The following NCOA2 variants were observed in gnomAD, a reference collection of about 807,000 sequenced individuals.
NCOA2 encodes nuclear receptor coactivator 2, also known as class E basic helix-loop-helix protein 75.
In NCOA2, 21 loss-of-function variants were observed where a neutral mutation model predicts 145.1. The observed-to-expected ratio is 0.14, with a 90% confidence interval of 0.10 to 0.21. The LOEUF is 0.21. NCOA2 is among the 10% of genes least tolerant of loss of function. The pLI is 1.00. For missense variants in NCOA2, 1,472 were observed against 1,837.6 expected (o/e 0.80, Z 3.64); for synonymous variants, 619 against 637.5 (o/e 0.97, Z 0.44).
At chr8:70,188,962 T>TAC (rs1816373259) in intron 4 of NCOA2, among the ~76,000 whole-genome samples, 1 of 152,222 alleles carries the variant, frequency 6.6e-6, no homozygotes, top group Admixed American at 6.5e-5. Flanking sequence ...GATTTAACTC[T>TAC]CAGTAGAATA....
rs61028027 is a variant in NCOA2, at chr8:70,314,180, CAAAAAAAAAAAAAAAAA to C, written c.-76-17397_-76-17381del. Among the ~76,000 whole-genome samples the C allele has an allele frequency of 3.5e-4, 6 of 17,202 alleles. No individual in the cohort carries two copies. The South Asian group carries it at 0.014, about 39-fold the overall frequency. 11.3% of individuals were successfully genotyped at this position (17,202 alleles called of 152,430 possible). On this transcript the variant is annotated intron_variant, in intron 1 of 22. Transcript: ENST00000452400. ...GGGCGACAGAGCAAGACTCTGACTCCAAAAAAAAAAAAAAAAAAAAAAAAAAAAGCAACTGTCATGTC... is the reference window on the plus strand; with the variant it reads ...GGGCGACAGAGCAAGACTCTGACTCCAAAAAAAAAAAGCAACTGTCATGTC...
At chr8:70,211,383 C>T (rs763623415) in intron 4 of NCOA2, among the ~76,000 whole-genome samples, 11 of 151,508 alleles carry the variant, frequency 7.3e-5, no homozygotes, top group Non-Finnish European at 1.6e-4. Flanking sequence ...CGCTTGAACC[C>T]AGAAGGTGGA....
At chr8:70,427,585 A>G in the NCOA2 span, among the ~76,000 whole-genome samples, 1 of 152,238 alleles carries the variant, frequency 6.6e-6, no homozygotes, top group Admixed American at 6.5e-5. Context: ...CTGCTTGAAT[A>G]TTCTAAAAGC....
chr8:70,289,766 GACT>G (rs1826520857), intron 2 of NCOA2, among the ~76,000 whole-genome samples: 1 of 152,040 alleles, frequency 6.6e-6, no homozygotes, highest in South Asian at 2.1e-4. Context: ...CTCAAAATTG[GACT>G]ACATTGATTT....
At chr8:70,456,222 A>G in the NCOA2 span, among the ~76,000 whole-genome samples, 1 of 152,208 alleles carries the variant, frequency 6.6e-6, no homozygotes, top group Non-Finnish European at 1.5e-5. Flanking sequence ...TGCTGAGGAC[A>G]CTAACATTCT....
chr8:70,340,545 AAAG>A (rs1334875785), intron 1 of NCOA2, among the ~76,000 whole-genome samples: 1 of 152,244 alleles, frequency 6.6e-6, no homozygotes, highest in Non-Finnish European at 1.5e-5. Context: ...GCGACTTCTC[AAAG>A]ACCTAGAGTC....
chr8:70,413,097 C>CAAAAAA, the NCOA2 span, among the ~76,000 whole-genome samples: 2 of 59,330 alleles, frequency 3.4e-5, no homozygotes, highest in African/African-American at 5.0e-5. Context: ...GACTCCGTCT[C>CAAAAAA]AAAAAAAAAA....
At chr8:70,258,252 T>G (rs1823814712) in intron 2 of NCOA2, among the ~76,000 whole-genome samples, 1 of 152,236 alleles carries the variant, frequency 6.6e-6, no homozygotes, top group Non-Finnish European at 1.5e-5. Flanking sequence ...TTGCCCTTTC[T>G]TCTCACTACA....
chr8:70,234,429 A>C (rs1421131154), intron 2 of NCOA2, among the ~76,000 whole-genome samples: 9 of 152,338 alleles, frequency 5.9e-5, no homozygotes, highest in African/African-American at 1.9e-4. Context: ...TTTTTGAAGA[A>C]ATGCGAAACT....
chr8:70,135,626 A>T (rs1163968307), intron 15 of NCOA2, among the ~76,000 whole-genome samples: 3 of 152,214 alleles, frequency 2.0e-5, no homozygotes, highest in African/African-American at 7.2e-5. Context: ...TCTGAACTTT[A>T]TAAATGGCCA....
In NCOA2 at chr8:70,217,346, C is replaced by T. The variant is rs114735234; in HGVS notation, c.-19-582G>A. Among the ~76,000 whole-genome samples the T allele has an allele frequency of 4.6e-3, 693 of 152,206 alleles. 9 individuals carry two copies. Among genetic ancestry groups the T allele is most frequent in the African/African-American group, 0.016 (668 of 41,502 alleles). On this transcript the variant is annotated intron_variant, in intron 2 of 22. Transcript: ENST00000452400. ...CCCCCTAGTGGGGGATCTTCCTGGC[C>T]CCTCGGGAAGCTCCTGTGCCTGGCT... is the stretch of plus-strand genomic sequence containing the variant.
At chr8:70,231,883 C>T (rs1011903122) in intron 2 of NCOA2, among the ~76,000 whole-genome samples, 4 of 152,260 alleles carry the variant, frequency 2.6e-5, no homozygotes, top group East Asian at 1.9e-4. Context: ...AGCTTAATCC[C>T]CCACAGTTAC....
At chr8:70,287,652 T>C (rs1014777439) in intron 2 of NCOA2, among the ~76,000 whole-genome samples, 12 of 152,242 alleles carry the variant, frequency 7.9e-5, no homozygotes, top group African/African-American at 2.9e-4. Flanking sequence ...GTAACCTCAT[T>C]TGAAGCCACG....
chr8:70,401,734 C>T (rs1814270198), intron 1 of NCOA2: 1 of 152,178 alleles, frequency 6.6e-6, no homozygotes, highest in Non-Finnish European at 1.5e-5. Context: ...TTCATTGTCC[C>T]CATTCTGGCA....
intron 1 of NCOA2, among the ~76,000 whole-genome samples, chr8:70,358,810 T>C (rs1809965443): frequency 6.6e-6 from 1 of 152,136 alleles, no homozygotes; most frequent in Admixed American, 6.5e-5. Flanking sequence ...ACATACAGCA[T>C]TGGTGAAAAC....
intron 2 of NCOA2, chr8:70,273,545 A>G (rs753327131): frequency 1.8e-5 from 13 of 739,894 alleles, no homozygotes; most frequent in Non-Finnish European, 2.8e-5. Flanking sequence ...AGAGGTGAAT[A>G]TGTTTACAAA....
intron 1 of NCOA2, among the ~76,000 whole-genome samples, chr8:70,352,255 C>T (rs542329497): frequency 6.3e-4 from 96 of 152,152 alleles, no homozygotes; most frequent in Non-Finnish European, 1.2e-3. Flanking sequence ...GCTATTATGT[C>T]GTCTTTTTTA....
chr8:70,449,565 T>C, the NCOA2 span, among the ~76,000 whole-genome samples: 4 of 152,096 alleles, frequency 2.6e-5, no homozygotes, highest in African/African-American at 4.8e-5. Flanking sequence ...CAGGGAACCT[T>C]ACAGAAAAGG....
chr8:70,309,402 G>T (rs1174315136), intron 1 of NCOA2, among the ~76,000 whole-genome samples: 1 of 148,564 alleles, frequency 6.7e-6, no homozygotes, highest in Admixed American at 6.7e-5. Context: ...GGGCAGACAA[G>T]CTGGAAACCA....
Sources: gnomAD v4.1 joint callset for allele counts (sites outside exome capture counted in the v4.1 genomes callset) on GRCh38, gnomAD v4.1.1 for gene constraint, MANE v1.5 for transcripts, NCBI Gene and HGNC (gene_info 2026-07-23, HGNC 2026-07-21) for gene names.